The following LRRC7 variants were observed in gnomAD, a reference collection of about 807,000 sequenced individuals.
The protein encoded by LRRC7 is leucine rich repeat containing 7.
Under a neutral mutation model 175.7 loss-of-function variants are expected in LRRC7, and 23 were observed. The observed-to-expected ratio is 0.13, with a 90% confidence interval of 0.09 to 0.19. The LOEUF is 0.19. Ranked by LOEUF, LRRC7 falls within the 10% of genes least tolerant of loss-of-function variation. LRRC7 has a pLI of 1.00. For missense variants in LRRC7, 1,354 were observed against 1,904.7 expected, an observed-to-expected ratio of 0.71 and a Z score of 5.38; for synonymous variants, 685 against 680.9, an observed-to-expected ratio of 1.01 and a Z score of -0.09.
At chr1:70,097,173 A>G (rs1165164588) in intron 25 of LRRC7, among the ~76,000 whole-genome samples, 1 of 152,170 alleles carries the variant, frequency 6.6e-6, no homozygotes, top group East Asian at 1.9e-4. Context: ...TACACCACCT[A>G]TGCACAGCCT....
At chr1:69,801,324 G>A (rs1202759792) in intron 4 of LRRC7, among the ~76,000 whole-genome samples, 2 of 151,640 alleles carry the variant, frequency 1.3e-5, no homozygotes, top group Admixed American at 6.6e-5. Context: ...GGAAGAATTT[G>A]GCTCTGAATC....
chr1:69,725,590 G>T (rs1666864533), intron 2 of LRRC7, among the ~76,000 whole-genome samples: 1 of 152,166 alleles, frequency 6.6e-6, no homozygotes, highest in Non-Finnish European at 1.5e-5. Flanking sequence ...TTCTGTATAG[G>T]TACGAAATGC....
chr1:69,987,663 G>A (rs952240429), intron 10 of LRRC7, among the ~76,000 whole-genome samples: 2 of 152,060 alleles, frequency 1.3e-5, no homozygotes, highest in African/African-American at 4.8e-5. Flanking sequence ...TAAAAATTAA[G>A]CCATATCCTA....
chr1:69,694,747 C>CG (rs1662349978), intron 2 of LRRC7, among the ~76,000 whole-genome samples: 1 of 149,118 alleles, frequency 6.7e-6, no homozygotes. Flanking sequence ...TACCCCCCCC[C>CG]ACTTCCTCTT....
chr1:69,797,379 AC>A (rs1302777358), intron 4 of LRRC7, among the ~76,000 whole-genome samples: 1 of 152,144 alleles, frequency 6.6e-6, no homozygotes, highest in Non-Finnish European at 1.5e-5. Flanking sequence ...TTTGGGCATC[AC>A]TATATTTATT....
chr1:69,849,077 A>G (rs184121999), intron 7 of LRRC7, among the ~76,000 whole-genome samples: 120 of 152,170 alleles, frequency 7.9e-4, no homozygotes, highest in African/African-American at 2.8e-3. Context: ...TAACTTTAAT[A>G]GGACTCCTGT....
intron 9 of LRRC7, among the ~76,000 whole-genome samples, chr1:69,983,844 A>G (rs927467406): frequency 1.3e-5 from 2 of 152,200 alleles, no homozygotes; most frequent in Non-Finnish European, 2.9e-5. Context: ...CAAGGAATCC[A>G]ACATGTGACA....
intron 1 of LRRC7, among the ~76,000 whole-genome samples, chr1:69,574,198 T>G (rs1010865201): frequency 5.3e-5 from 8 of 152,044 alleles, no homozygotes; most frequent in South Asian, 2.1e-4. Flanking sequence ...GCTATTGATT[T>G]CAATTATAGA....
Position 69,855,248 on chromosome 1 carries a change from G to C in LRRC7, c.647+16965G>C, listed in dbSNP as rs796165171. Among the ~76,000 whole-genome samples, 108 of 152,084 alleles carry C rather than the reference G, an allele frequency of 7.1e-4. 2 individuals are homozygous for C. The highest frequency in any genetic ancestry group is 2.5e-3 in the African/African-American group (104 of 41,506). ...GTCCATTTTAGATCTTTCCTGCTTT[G>C]TCTTGTGGGCATTTAGTGCTATAAA... On this transcript the variant is annotated intron_variant, in intron 7 of 26. Transcript: ENST00000651989.
chr1:69,932,927 C>T (rs1222863491), intron 8 of LRRC7, among the ~76,000 whole-genome samples: 1 of 152,232 alleles, frequency 6.6e-6, no homozygotes, highest in Admixed American at 6.5e-5. Context: ...GTTCTGAATC[C>T]ACAGTCAGGT....
At position 70,036,183 on chromosome 1, in the gene LRRC7, G is replaced by A. The variant is rs1659291740; in HGVS notation, c.2058G>A (p.Glu686=). The A allele has an allele frequency of 1.9e-6, 3 of 1,613,626 alleles. No homozygotes were observed. The highest frequency in any genetic ancestry group is 2.5e-6 in the Non-Finnish European group (3 of 1,179,700). ...RIGELHPSLA[E]TPLYPPKLVL... The stretch of plus-strand genomic sequence containing the variant: ...GGGAACTTCACCCTTCATTAGCTGA[G>A]ACCCCTCTGTACCCACCCAAACTTG... Residue 686 remains glutamate (E), a synonymous_variant, in exon 19 of 27, where the codon GAG becomes GAA. Coordinates refer to ENST00000651989, the MANE Select transcript of LRRC7 (RefSeq NM_001370785.2).
intron 10 of LRRC7, among the ~76,000 whole-genome samples, chr1:69,989,387 T>G (rs1395585959): frequency 2.0e-5 from 3 of 151,982 alleles, no homozygotes; most frequent in Admixed American, 6.6e-5. Context: ...TGCCAAAAAG[T>G]TTTCAAAAAT....
intron 6 of LRRC7, among the ~76,000 whole-genome samples, chr1:69,837,636 C>T (rs1320352394): frequency 6.6e-6 from 1 of 151,712 alleles, no homozygotes; most frequent in Admixed American, 6.6e-5. Flanking sequence ...TTCCAGTGAA[C>T]ACAGCATCTG....
intron 3 of LRRC7, among the ~76,000 whole-genome samples, chr1:69,763,357 A>T (rs150778359): frequency 2.6e-4 from 40 of 152,060 alleles, no homozygotes; most frequent in African/African-American, 8.7e-4. Flanking sequence ...GAAACATCTG[A>T]CTCCTTAAAA....
rs748170448 is a variant in LRRC7 at position 70,028,242 on chromosome 1, A to G, written c.1866A>G (p.Gln622=). 18 of 1,613,678 alleles carry G rather than the reference A, an allele frequency of 1.1e-5. No individual in the cohort carries two copies. The Admixed American group carries it at 1.3e-4, about 12-fold the overall frequency. Residue 622 remains glutamine (Q), a synonymous_variant, in exon 18 of 27, where the codon CAA becomes CAG. Transcript: ENST00000651989. ...EDLKNMVKSV[Q]NLVGKPSHGV... ...TAAAGAATATGGTAAAATCTGTTCAAAATTTGGTGGGTAAGCCAAGCCATG... is the reference window on the plus strand; with the variant it reads ...TAAAGAATATGGTAAAATCTGTTCAGAATTTGGTGGGTAAGCCAAGCCATG...
rs1254407060 is a variant in LRRC7 at position 70,131,528 on chromosome 1, TCTTTTA to T, written c.*9645_*9650del. 2.0e-5 allele frequency among the ~76,000 whole-genome samples: 3 copies of T among 152,244 alleles called. No individual in the cohort carries two copies. The highest frequency in any genetic ancestry group is 7.2e-5 in the African/African-American group (3 of 41,454). ...AAACATTAAATGTTTTGTCATTGAC[TCTTTTA>T]CTTATACTATTAATATTAATTACTC... is the stretch of plus-strand genomic sequence containing the variant. On this transcript the variant is annotated 3_prime_UTR_variant, in exon 27 of 27. Coordinates refer to ENST00000651989, the MANE Select transcript of LRRC7 (RefSeq NM_001370785.2).
chr1:69,808,374 G>T (rs916973560), intron 4 of LRRC7, among the ~76,000 whole-genome samples: 1 of 151,630 alleles, frequency 6.6e-6, no homozygotes, highest in Non-Finnish European at 1.5e-5. Flanking sequence ...ATTAACAAGG[G>T]TATTCAGGAC....
rs151337883 is a variant in LRRC7 at position 70,075,124 on chromosome 1, C to T, written c.4231-953C>T. Among the ~76,000 whole-genome samples, 6 of 152,270 alleles carry T rather than the reference C, an allele frequency of 3.9e-5. No homozygotes were observed. In the East Asian group the frequency reaches 7.7e-4, roughly 20 times the overall value. On this transcript the variant is annotated intron_variant, in intron 23 of 26. Coordinates refer to ENST00000651989, the MANE Select transcript of LRRC7 (RefSeq NM_001370785.2). ...ATAGCAATGGGTGAAGTACTAAGCA[C>T]AGCACTAAAATATATGTTTAAAATT...
At chr1:69,864,654 A>G (rs1337396889) in intron 7 of LRRC7, among the ~76,000 whole-genome samples, 1 of 152,210 alleles carries the variant, frequency 6.6e-6, no homozygotes, top group Non-Finnish European at 1.5e-5. Flanking sequence ...AGACTAAAAG[A>G]CAATTTGCAG....
Sources: gnomAD v4.1 joint callset for allele counts (sites outside exome capture counted in the v4.1 genomes callset) on GRCh38, gnomAD v4.1.1 for gene constraint, MANE v1.5 for transcripts, NCBI Gene and HGNC (gene_info 2026-07-23, HGNC 2026-07-21) for gene names.